The following SLC2A13 variants were observed in gnomAD, a reference collection of about 807,000 sequenced individuals.
The protein encoded by SLC2A13 is solute carrier family 2 member 13, also known as proton myo-inositol cotransporter.
In SLC2A13, 32 loss-of-function variants were observed where a neutral mutation model predicts 64.4. The ratio of observed to expected loss-of-function variants is 0.50; its 90% confidence interval spans 0.37 to 0.67. The LOEUF (loss-of-function observed/expected upper bound fraction) is 0.67. Ranked by LOEUF, SLC2A13 falls within the 30% of genes least tolerant of loss-of-function variation. The probability of loss-of-function intolerance (pLI) is 0.00; values close to 1 mark genes in which losing one functional copy is unlikely to be tolerated. For missense variants in SLC2A13, 743 were observed against 829.2 expected, an observed-to-expected ratio of 0.90 and a Z score of 1.28; for synonymous variants, 338 against 327.1, an observed-to-expected ratio of 1.03 and a Z score of -0.36.
chr12:39,774,888 A>T (rs1940720156), intron 7 of SLC2A13, among the ~76,000 whole-genome samples: 2 of 152,198 alleles, frequency 1.3e-5, no homozygotes, highest in African/African-American at 4.8e-5. Flanking sequence ...GACAGATGCA[A>T]ATTAAAACAA....
intron 7 of SLC2A13, among the ~76,000 whole-genome samples, chr12:39,775,934 T>A (rs1355329107): frequency 1.3e-5 from 2 of 152,238 alleles, no homozygotes; most frequent in Non-Finnish European, 2.9e-5. Context: ...AGCGTTTCCT[T>A]TGAGCATCAT....
At chr12:39,861,386 A>G (rs914295893) in intron 6 of SLC2A13, among the ~76,000 whole-genome samples, 5 of 152,372 alleles carry the variant, frequency 3.3e-5, no homozygotes, top group Middle Eastern at 3.4e-3. Flanking sequence ...TAAGTGAATA[A>G]GATAAAAACC....
intron 3 of SLC2A13, among the ~76,000 whole-genome samples, chr12:40,002,317 C>CAAAAAA (rs1478236647): frequency 4.1e-4 from 62 of 152,254 alleles, no homozygotes; most frequent in African/African-American, 1.4e-3. Context: ...ATGTATCCAA[C>CAAAAAA]AACAACATTT....
At chr12:40,023,919 C>G (rs555543820) in intron 3 of SLC2A13, among the ~76,000 whole-genome samples, 1 of 152,312 alleles carries the variant, frequency 6.6e-6, no homozygotes, top group Admixed American at 6.5e-5. Flanking sequence ...TATTATAGAA[C>G]AGAATGCAAA....
intron 4 of SLC2A13, among the ~76,000 whole-genome samples, chr12:39,929,620 A>G (rs535960570): frequency 6.6e-6 from 1 of 152,204 alleles, no homozygotes; most frequent in Admixed American, 6.5e-5. Context: ...GGTAAAGAGC[A>G]TTTCTACAGC....
intron 7 of SLC2A13, among the ~76,000 whole-genome samples, chr12:39,801,790 C>T (rs576304603): frequency 1.3e-5 from 2 of 152,268 alleles, no homozygotes; most frequent in South Asian, 4.1e-4. Flanking sequence ...TGTGCAAAAT[C>T]AGATCAACTG....
chr12:40,000,077 G>A (rs192358448), intron 3 of SLC2A13, among the ~76,000 whole-genome samples: 1 of 152,090 alleles, frequency 6.6e-6, no homozygotes. Flanking sequence ...GAGATCTGAC[G>A]GTTTTAAAAA....
Position 39,899,593 on chromosome 12 carries a change from T to C in SLC2A13, c.1035-27632A>G, listed in dbSNP as rs1309548218. Among the ~76,000 whole-genome samples, 10 of 152,300 alleles carry C rather than the reference T, an allele frequency of 6.6e-5. No homozygotes were observed. The East Asian group carries it at 1.9e-3, about 29-fold the overall frequency. On this transcript the variant is annotated intron_variant, in intron 4 of 9. Transcript: ENST00000280871. ...ATGTTAGGGTGTCAATTTTGGATCT[T>C]TCCTGCTTTCTCTTGTGGGCTTTTA...
intron 7 of SLC2A13, among the ~76,000 whole-genome samples, chr12:39,810,216 C>T (rs747225912): frequency 2.6e-5 from 4 of 152,120 alleles, no homozygotes; most frequent in African/African-American, 4.8e-5. Context: ...TAATTTCACT[C>T]GGTAATATTT....
At chr12:39,985,612 A>G (rs1166787288) in intron 3 of SLC2A13, among the ~76,000 whole-genome samples, 3 of 152,164 alleles carry the variant, frequency 2.0e-5, no homozygotes, top group Admixed American at 1.3e-4. Flanking sequence ...TGCTTTTAGG[A>G]AAGCATAAAA....
At position 39,897,002 on chromosome 12, in the gene SLC2A13, A is replaced by C. The variant is rs868116815; in HGVS notation, c.1035-25041T>G. Among the ~76,000 whole-genome samples, 10 of 152,160 alleles carry C rather than the reference A, an allele frequency of 6.6e-5. No homozygotes were observed. In the South Asian group the frequency reaches 2.1e-3, roughly 32 times the overall value. On this transcript the variant is annotated intron_variant, in intron 4 of 9. Coordinates refer to ENST00000280871, the MANE Select transcript of SLC2A13 (RefSeq NM_052885.4). The stretch of plus-strand genomic sequence containing the variant: ...AGGGAGGTGAGGGGTTTAGTAAAAG[A>C]AAAAACACTGAGGAAGAGACCAACA...
At chr12:39,933,646 G>A (rs1246022174) in intron 4 of SLC2A13, among the ~76,000 whole-genome samples, 2 of 152,168 alleles carry the variant, frequency 1.3e-5, no homozygotes, top group African/African-American at 4.8e-5. Context: ...CTCCTGTGAA[G>A]GGTGCCCTGT....
intron 2 of SLC2A13, among the ~76,000 whole-genome samples, chr12:40,039,367 A>G (rs4611275): frequency 0.14 from 21,068 of 152,130 alleles, 1,692 homozygotes; most frequent in African/African-American, 0.2. Flanking sequence ...CCACATTTTT[A>G]GTACACAATA....
chr12:39,855,102 G>A (rs1943572662), intron 6 of SLC2A13, among the ~76,000 whole-genome samples: 2 of 152,170 alleles, frequency 1.3e-5, no homozygotes, highest in South Asian at 4.1e-4. Flanking sequence ...TAAGGTAGTT[G>A]CAGAAATCTC....
chr12:39,985,412 G>GTAA (rs1565576798), intron 3 of SLC2A13, among the ~76,000 whole-genome samples: 2 of 152,080 alleles, frequency 1.3e-5, no homozygotes, highest in African/African-American at 2.4e-5. Flanking sequence ...TTCATAGGAG[G>GTAA]TAATAATGGT....
intron 3 of SLC2A13, among the ~76,000 whole-genome samples, chr12:39,969,832 T>C (rs1384604041): frequency 6.6e-6 from 1 of 152,234 alleles, no homozygotes; most frequent in Non-Finnish European, 1.5e-5. Flanking sequence ...TTTTGGCTTT[T>C]GTTGCCATTG....
intron 3 of SLC2A13, among the ~76,000 whole-genome samples, chr12:39,984,901 G>A (rs368207743): frequency 5.1e-4 from 77 of 152,144 alleles, no homozygotes; most frequent in African/African-American, 1.5e-3. Context: ...TTACAAAGAC[G>A]AAGAAGCAAT....
At chr12:39,772,850 A>G (rs910889990) in intron 7 of SLC2A13, among the ~76,000 whole-genome samples, 2 of 128,030 alleles carry the variant, frequency 1.6e-5, no homozygotes, top group Non-Finnish European at 3.4e-5. Context: ...TTACATGTGC[A>G]AAAAAAAGGC....
At chr12:39,967,842 T>C (rs1421627707) in intron 3 of SLC2A13, among the ~76,000 whole-genome samples, 1 of 152,202 alleles carries the variant, frequency 6.6e-6, no homozygotes, top group Non-Finnish European at 1.5e-5. Context: ...AGCTAAATTA[T>C]TTCTAAGAAA....
Sources: gnomAD v4.1 joint callset for allele counts (sites outside exome capture counted in the v4.1 genomes callset) on GRCh38, gnomAD v4.1.1 for gene constraint, MANE v1.5 for transcripts, NCBI Gene and HGNC (gene_info 2026-07-23, HGNC 2026-07-21) for gene names.